The following GLT1D1 variants were observed in gnomAD, a reference collection of about 807,000 sequenced individuals.
GLT1D1 encodes glycosyltransferase 1 domain-containing protein 1.
GLT1D1 carries 21 observed loss-of-function variants against 28.7 expected under a neutral mutation model. That is an observed-to-expected ratio of 0.73 (90% confidence interval 0.52 to 1.05). The LOEUF is 1.05. GLT1D1 is among the 50% of genes least tolerant of loss of function. The pLI, the probability that GLT1D1 is intolerant of heterozygous loss-of-function variation, is 0.00. For synonymous variants in GLT1D1, 147 were observed against 124.8 expected (o/e 1.18, Z -1.19); for missense variants, 343 against 330.6 (o/e 1.04, Z -0.29).
At chr12:128,982,678 G>A (rs552847349) in intron 7 of GLT1D1, among the ~76,000 whole-genome samples, 21 of 152,006 alleles carry the variant, frequency 1.4e-4, no homozygotes, top group East Asian at 5.8e-4. Context: ...ATATGTGTGC[G>A]TGTGTGTGCA....
chr12:128,910,683 C>CT (rs34557975), intron 4 of GLT1D1, among the ~76,000 whole-genome samples: 41,900 of 141,918 alleles, frequency 0.3, 7,097 homozygotes, highest in Admixed American at 0.44. Context: ...CGCCTTTAGC[C>CT]TTTTTTTTTT....
intron 1 of GLT1D1, among the ~76,000 whole-genome samples, chr12:128,863,625 G>A (rs959135174): frequency 2.0e-5 from 3 of 152,146 alleles, no homozygotes; most frequent in Non-Finnish European, 4.4e-5. Context: ...CGATTCACTC[G>A]CCTCGGCCTT....
chr12:128,866,283 A>G (rs1956514927), intron 1 of GLT1D1, among the ~76,000 whole-genome samples: 1 of 148,880 alleles, frequency 6.7e-6, no homozygotes, highest in Admixed American at 6.6e-5. Context: ...GTTAGCCAGG[A>G]TGCTCTCGAT....
At chr12:128,869,587 C>G (rs1055786761) in intron 1 of GLT1D1, among the ~76,000 whole-genome samples, 1 of 151,862 alleles carries the variant, frequency 6.6e-6, no homozygotes, top group Non-Finnish European at 1.5e-5. Context: ...TATATATTTA[C>G]GTATAAGTAG....
At chr12:128,880,314 T>C (rs781265083) in intron 2 of GLT1D1, among the ~76,000 whole-genome samples, 2 of 151,916 alleles carry the variant, frequency 1.3e-5, no homozygotes, top group African/African-American at 4.8e-5. Context: ...AACCAACCTA[T>C]TGCCCAGAGG....
chr12:128,867,397 C>CAAAAAA (rs1158997935), intron 1 of GLT1D1, among the ~76,000 whole-genome samples: 13 of 59,292 alleles, frequency 2.2e-4, no homozygotes, highest in South Asian at 6.7e-4. Flanking sequence ...AACTCCTTCT[C>CAAAAAA]AAAAAAAAAA....
intron 7 of GLT1D1, among the ~76,000 whole-genome samples, chr12:128,973,074 TG>T (rs1418839465): frequency 6.6e-6 from 1 of 151,978 alleles, no homozygotes; most frequent in African/African-American, 2.4e-5. Context: ...TGCCAGCCCC[TG>T]GTAACCAACC....
chr12:128,919,024 TGATAGCTGACAGTGGCA>T (rs1169154233), intron 4 of GLT1D1, among the ~76,000 whole-genome samples: 1 of 152,246 alleles, frequency 6.6e-6, no homozygotes, highest in Non-Finnish European at 1.5e-5. Flanking sequence ...GTTGTGGCTC[TGATAGCTGACAGTGGCA>T]GATAACGGCT....
rs1038606641 is a variant in GLT1D1, at chr12:128,947,269, C to T, written c.420-69C>T. 3 of 1,594,890 alleles carry T rather than the reference C, an allele frequency of 1.9e-6. No individual in the cohort carries two copies. In the Middle Eastern group the frequency reaches 6.5e-4, roughly 344 times the overall value. Reference sequence around the variant, plus strand: ...GAGTATTACACCCAAATTGTCATCTCTCCTCCTCCCAGCTGCCTACCCATG... The same window carrying T: ...GAGTATTACACCCAAATTGTCATCTTTCCTCCTCCCAGCTGCCTACCCATG... On this transcript the variant is annotated intron_variant, in intron 5 of 7. Coordinates refer to ENST00000281703, the MANE Select transcript of GLT1D1 (RefSeq NM_144669.3).
At chr12:128,910,761 T>C (rs1413494173) in intron 4 of GLT1D1, among the ~76,000 whole-genome samples, 1 of 152,072 alleles carries the variant, frequency 6.6e-6, no homozygotes, top group Admixed American at 6.6e-5. Flanking sequence ...CTTAAAGGTT[T>C]ACTATTTTAA....
chr12:128,950,983 A>G (rs1028613841), intron 6 of GLT1D1, among the ~76,000 whole-genome samples: 4 of 152,250 alleles, frequency 2.6e-5, no homozygotes, highest in Non-Finnish European at 5.9e-5. Flanking sequence ...ACTACAGTTA[A>G]TAACGATATC....
Position 128,944,479 on chromosome 12 carries a change from A to G in GLT1D1, c.376-847A>G, listed in dbSNP as rs544559237. On this transcript the variant is annotated intron_variant, in intron 4 of 7. Transcript: ENST00000281703. ...TGGTTTATCATCCTCACGCTGAATG[A>G]GCGGCTCCCCTGTCAGAGCATCAAT... 2.4e-6 allele frequency: 3 copies of G among 1,276,062 alleles called. No individual in the cohort carries two copies. In the African/African-American group the frequency reaches 4.5e-5, roughly 19 times the overall value. The allele number at this position is 1,276,062 out of a possible 1,614,324, so 79.0% of individuals were successfully genotyped here. A position where few individuals can be genotyped will look rare whatever the true frequency, so the allele number is the denominator to read the frequency against.
At chr12:128,876,133 A>G in intron 2 of GLT1D1, 71 bp downstream of exon 2, 4 of 1,318,742 alleles carry the variant, frequency 3.0e-6, no homozygotes, top group Non-Finnish European at 4.2e-6. Flanking sequence ...AATGTCCAAT[A>G]ACACGGGAAA....
At chr12:128,906,874 C>A (rs1333573224) in intron 4 of GLT1D1, 2 of 702,148 alleles carry the variant, frequency 2.8e-6, no homozygotes, top group South Asian at 3.0e-5. Flanking sequence ...TGTACATTTA[C>A]TCATCAAAAT....
At chr12:128,973,794 G>A (rs1034008736) in intron 7 of GLT1D1, among the ~76,000 whole-genome samples, 1 of 152,024 alleles carries the variant, frequency 6.6e-6, no homozygotes, top group African/African-American at 2.4e-5. Flanking sequence ...TCGGCCCATC[G>A]TCTGGAAAGT....
At chr12:128,927,224 C>T in intron 4 of GLT1D1, 70 bp downstream of exon 8, 1 of 1,191,912 alleles carries the variant, frequency 8.4e-7, no homozygotes, top group South Asian at 1.3e-5. Context: ...GTATTTTCTA[C>T]AATCAGTTTA....
chr12:128,973,803 G>A (rs1457490697), intron 7 of GLT1D1, among the ~76,000 whole-genome samples: 1 of 152,104 alleles, frequency 6.6e-6, no homozygotes, highest in Admixed American at 6.6e-5. Context: ...CGTCTGGAAA[G>A]TGAGCGAATG....
At chr12:128,877,037 G>A (rs1047464059) in intron 2 of GLT1D1, among the ~76,000 whole-genome samples, 30 of 152,074 alleles carry the variant, frequency 2.0e-4, no homozygotes, top group African/African-American at 7.0e-4. Flanking sequence ...TTTTAATTAT[G>A]GCTTCCTAGA....
chr12:128,974,992 G>C (rs2135550328), intron 7 of GLT1D1, among the ~76,000 whole-genome samples: 2 of 152,280 alleles, frequency 1.3e-5, no homozygotes, highest in South Asian at 4.1e-4. Context: ...AATCGGATGG[G>C]AATTAGCTTT....
Sources: gnomAD v4.1 joint callset for allele counts (sites outside exome capture counted in the v4.1 genomes callset) on GRCh38, gnomAD v4.1.1 for gene constraint, MANE v1.5 for transcripts, NCBI Gene and HGNC (gene_info 2026-07-23, HGNC 2026-07-21) for gene names.